The following ADCY2 variants were observed in gnomAD, a reference collection of about 807,000 sequenced individuals.
ADCY2 encodes adenylate cyclase 2.
Under a neutral mutation model 125.2 loss-of-function variants are expected in ADCY2, and 31 were observed. That is an observed-to-expected ratio of 0.25 (90% CI 0.19 to 0.33). The LOEUF (loss-of-function observed/expected upper bound fraction) is 0.33, where lower values mean the gene tolerates loss of function less well. Ranked by LOEUF, ADCY2 falls within the 10% of genes least tolerant of loss-of-function variation. The probability of loss-of-function intolerance (pLI) is 1.00; values close to 1 mark genes in which losing one functional copy is unlikely to be tolerated. For missense variants in ADCY2, 904 were observed against 1,418.2 expected, an observed-to-expected ratio of 0.64 and a Z score of 5.82; for synonymous variants, 512 against 548.4, an observed-to-expected ratio of 0.93 and a Z score of 0.93.
intron 2 of ADCY2, among the ~76,000 whole-genome samples, chr5:7,418,884 A>G (rs1018022985): frequency 2.0e-5 from 3 of 151,710 alleles, no homozygotes; most frequent in Non-Finnish European, 2.9e-5. Context: ...TGAACTTCTG[A>G]CCTCATGATC....
chr5:7,726,385 G>T (rs1050019868), intron 13 of ADCY2, among the ~76,000 whole-genome samples: 6 of 152,178 alleles, frequency 3.9e-5, no homozygotes, highest in Admixed American at 6.5e-5. Flanking sequence ...TGTGTGGATT[G>T]AATGATTAGT....
intron 2 of ADCY2, among the ~76,000 whole-genome samples, chr5:7,465,392 C>T (rs1374384250): frequency 6.6e-6 from 1 of 152,144 alleles, no homozygotes; most frequent in Non-Finnish European, 1.5e-5. Context: ...CAGTATCCAC[C>T]TTCCTTGTTG....
intron 17 of ADCY2, among the ~76,000 whole-genome samples, chr5:7,769,972 G>A (rs1385539589): frequency 5.3e-5 from 8 of 152,140 alleles, no homozygotes; most frequent in Non-Finnish European, 7.3e-5. Context: ...AGCCTTACCC[G>A]GTCAGCTAAA....
chr5:7,558,118 T>A (rs1158884292), intron 3 of ADCY2, among the ~76,000 whole-genome samples: 1 of 151,938 alleles, frequency 6.6e-6, no homozygotes, highest in Non-Finnish European at 1.5e-5. Context: ...AGTGGCACAA[T>A]CTCGGCTCAC....
chr5:7,538,954 C>T (rs1335579598), intron 3 of ADCY2, among the ~76,000 whole-genome samples: 7 of 150,144 alleles, frequency 4.7e-5, no homozygotes, highest in African/African-American at 1.7e-4. Flanking sequence ...ACCTCTGCCT[C>T]CCGGGTTCAA....
intron 4 of ADCY2, chr5:7,654,081 C>T (rs780655498): frequency 9.6e-5 from 44 of 456,070 alleles, no homozygotes; most frequent in Non-Finnish European, 1.8e-4. Context: ...GCATTTACCA[C>T]CCTGAGGCTG....
intron 3 of ADCY2, among the ~76,000 whole-genome samples, chr5:7,572,797 G>A (rs1263340302): frequency 1.3e-5 from 2 of 152,072 alleles, no homozygotes; most frequent in Admixed American, 6.6e-5. Context: ...TCCATCTTGA[G>A]TTAATTTTGT....
At position 7,693,406 on chromosome 5, in the gene ADCY2, G is replaced by GTTTTTT. The variant is rs139450063; in HGVS notation, c.870-2345_870-2340dup. On this transcript the variant is annotated intron_variant, in intron 5 of 24. Coordinates refer to ENST00000338316, the MANE Select transcript of ADCY2 (RefSeq NM_020546.3). ...GTACCTTGCATCACAATTGCCTGCT[G>GTTTTTT]TTTTTTGTTTTTTTTTTTTTTTTTT... Among the ~76,000 whole-genome samples, 74 of 58,644 alleles carry GTTTTTT rather than the reference G, an allele frequency of 1.3e-3. 6 individuals carry two copies. Among genetic ancestry groups the GTTTTTT allele is most frequent in the Non-Finnish European group, 2.1e-3 (58 of 27,726 alleles). 38.5% of individuals were successfully genotyped at this position (58,644 alleles called of 152,430 possible). A position where few individuals can be genotyped will look rare whatever the true frequency, so the allele number is the denominator to read the frequency against.
chr5:7,453,871 A>G (rs569232089), intron 2 of ADCY2, among the ~76,000 whole-genome samples: 5 of 152,130 alleles, frequency 3.3e-5, no homozygotes, highest in South Asian at 4.1e-4. Flanking sequence ...GAATGTTCCT[A>G]GGAGGTCATA....
At chr5:7,697,657 G>A in intron 6 of ADCY2, among the ~76,000 whole-genome samples, 1 of 152,150 alleles carries the variant, frequency 6.6e-6, no homozygotes, top group Non-Finnish European at 1.5e-5. Flanking sequence ...TAATGAGGTA[G>A]TCAAATTTTA....
intron 2 of ADCY2, among the ~76,000 whole-genome samples, chr5:7,442,464 C>T (rs1185342082): frequency 6.6e-6 from 1 of 152,084 alleles, no homozygotes; most frequent in Admixed American, 6.6e-5. Flanking sequence ...GAGGCGAGGA[C>T]AAAAATGCTA....
At chr5:7,449,509 C>T (rs1044683253) in intron 2 of ADCY2, among the ~76,000 whole-genome samples, 2 of 152,082 alleles carry the variant, frequency 1.3e-5, no homozygotes, top group Non-Finnish European at 2.9e-5. Flanking sequence ...CCAAGAGGTG[C>T]CAGCTTCACT....
chr5:7,678,940 C>T (rs2126712332), intron 4 of ADCY2, among the ~76,000 whole-genome samples: 1 of 152,346 alleles, frequency 6.6e-6, no homozygotes, highest in Admixed American at 6.5e-5. Flanking sequence ...GCATTCACTC[C>T]TGTATCCATC....
chr5:7,567,165 C>T (rs1159649843), intron 3 of ADCY2, among the ~76,000 whole-genome samples: 1 of 152,070 alleles, frequency 6.6e-6, no homozygotes, highest in Non-Finnish European at 1.5e-5. Context: ...TCACTTATTG[C>T]TTACCATTTT....
At position 7,450,222 on chromosome 5, in the gene ADCY2, G is replaced by A. The variant is rs115878787; in HGVS notation, c.408+35452G>A. Among the ~76,000 whole-genome samples the A allele has an allele frequency of 8.2e-3, 1,250 of 152,324 alleles. 19 individuals carry two copies. Among genetic ancestry groups the A allele is most frequent in the African/African-American group, 0.029 (1,195 of 41,568 alleles). On this transcript the variant is annotated intron_variant, in intron 2 of 24. Transcript: ENST00000338316. ...TAGGCCAAAAGCTAGACCTCCTGCA[G>A]TAAACAGTTAGCCCAGTTGTGAATC... is the stretch of plus-strand genomic sequence containing the variant.
chr5:7,398,943 A>G (rs1739159652), intron 1 of ADCY2, among the ~76,000 whole-genome samples: 1 of 152,210 alleles, frequency 6.6e-6, no homozygotes, highest in South Asian at 2.1e-4. Flanking sequence ...GGGTAGGAAC[A>G]TTTGAAGGTA....
At chr5:7,599,454 A>T (rs1205424779) in intron 3 of ADCY2, among the ~76,000 whole-genome samples, 1 of 152,176 alleles carries the variant, frequency 6.6e-6, no homozygotes, top group Non-Finnish European at 1.5e-5. Flanking sequence ...CACCAAATGC[A>T]TAGAGAGAAT....
At chr5:7,785,792 A>T (rs527896109) in intron 19 of ADCY2, among the ~76,000 whole-genome samples, 1 of 152,286 alleles carries the variant, frequency 6.6e-6, no homozygotes, top group East Asian at 1.9e-4. Flanking sequence ...TTCCTGCTAG[A>T]ATCATCTCTC....
intron 2 of ADCY2, among the ~76,000 whole-genome samples, chr5:7,505,301 G>A (rs144742779): frequency 5.3e-5 from 8 of 152,336 alleles, no homozygotes; most frequent in East Asian, 1.9e-4. Flanking sequence ...TGTCGTAAGG[G>A]TGTTATAAAC....
Sources: gnomAD v4.1 joint callset for allele counts (sites outside exome capture counted in the v4.1 genomes callset) on GRCh38, gnomAD v4.1.1 for gene constraint, MANE v1.5 for transcripts, NCBI Gene and HGNC (gene_info 2026-07-23, HGNC 2026-07-21) for gene names.